The following SPSB4 variants were observed in gnomAD, a reference collection of about 807,000 sequenced individuals.
SPSB4 encodes the protein SPRY domain-containing SOCS box protein 4.
A neutral mutation model predicts 20.9 loss-of-function variants in SPSB4; 21 were observed. The observed-to-expected ratio is 1.01, with a 90% CI of 0.71 to 1.45. The LOEUF is 1.45. Ranked by LOEUF, SPSB4 falls within the 40% of genes most tolerant of loss-of-function variation. The probability of loss-of-function intolerance (pLI) is 0.00; values close to 1 mark genes in which losing one functional copy is unlikely to be tolerated. For synonymous variants in SPSB4, 207 were observed against 183.8 expected (o/e 1.13, Z -1.02); for missense variants, 399 against 399.2 (o/e 1.00, Z 0.00).
chr3:141,101,838 A>G (rs1378682672), intron 2 of SPSB4, among the ~76,000 whole-genome samples: 1 of 152,210 alleles, frequency 6.6e-6, no homozygotes, highest in Non-Finnish European at 1.5e-5. Context: ...GTTCTGCACT[A>G]TTCGTTTCCA....
At chr3:141,084,685 C>A (rs1471171841) in intron 2 of SPSB4, among the ~76,000 whole-genome samples, 3 of 152,184 alleles carry the variant, frequency 2.0e-5, no homozygotes, top group Non-Finnish European at 2.9e-5. Flanking sequence ...CAGGCATTAA[C>A]CTGGACCAAT....
intron 2 of SPSB4, among the ~76,000 whole-genome samples, chr3:141,070,715 ACT>A (rs1937986650): frequency 6.6e-6 from 1 of 152,110 alleles, no homozygotes; most frequent in Non-Finnish European, 1.5e-5. Context: ...TTTTGTAATG[ACT>A]CTTTGCACTA....
intron 2 of SPSB4, among the ~76,000 whole-genome samples, chr3:141,117,619 T>C (rs1301712351): frequency 2.0e-5 from 3 of 152,338 alleles, no homozygotes; most frequent in Non-Finnish European, 4.4e-5. Context: ...TCATCTACAT[T>C]AGGTATTTCT....
intron 2 of SPSB4, among the ~76,000 whole-genome samples, chr3:141,084,689 G>C (rs1405616540): frequency 1.3e-5 from 2 of 152,108 alleles, no homozygotes; most frequent in African/African-American, 2.4e-5. Context: ...CATTAACCTG[G>C]ACCAATAGAC....
chr3:141,054,001 C>A (rs1936139623), intron 1 of SPSB4, among the ~76,000 whole-genome samples: 1 of 152,214 alleles, frequency 6.6e-6, no homozygotes, highest in African/African-American at 2.4e-5. Context: ...TGTTCCCCTG[C>A]CTAGAATACT....
At chr3:141,106,039 C>T (rs1449366031) in intron 2 of SPSB4, among the ~76,000 whole-genome samples, 1 of 152,182 alleles carries the variant, frequency 6.6e-6, no homozygotes, top group African/African-American at 2.4e-5. Flanking sequence ...TTGGAAGGGA[C>T]TACAATTTGG....
At chr3:141,080,006 T>G (rs1450633868) in intron 2 of SPSB4, among the ~76,000 whole-genome samples, 1 of 152,160 alleles carries the variant, frequency 6.6e-6, no homozygotes, top group African/African-American at 2.4e-5. Context: ...CTTCAGTCAT[T>G]CCACTATTTT....
At chr3:141,059,075 CAGAG>C (rs1260887753) in intron 1 of SPSB4, among the ~76,000 whole-genome samples, 1 of 152,164 alleles carries the variant, frequency 6.6e-6, no homozygotes, top group Non-Finnish European at 1.5e-5. Flanking sequence ...TTCCTGCCAT[CAGAG>C]GAATGCCCTC....
At chr3:141,105,164 G>A (rs1938668810) in intron 2 of SPSB4, among the ~76,000 whole-genome samples, 1 of 152,220 alleles carries the variant, frequency 6.6e-6, no homozygotes, top group South Asian at 2.1e-4. Flanking sequence ...AGAAAAGGGT[G>A]GATGGGAATT....
intron 2 of SPSB4, among the ~76,000 whole-genome samples, chr3:141,104,937 C>T (rs1938665762): frequency 6.6e-6 from 1 of 152,162 alleles, no homozygotes; most frequent in South Asian, 2.1e-4. Context: ...GGTAGGAGTA[C>T]ACCCAAGATC....
intron 2 of SPSB4, among the ~76,000 whole-genome samples, chr3:141,103,867 G>A (rs60469889): frequency 0.07 from 10,471 of 150,316 alleles, 1,191 homozygotes; most frequent in African/African-American, 0.24. Flanking sequence ...GAATCCTCCA[G>A]AATGGATTCA....
intron 2 of SPSB4, among the ~76,000 whole-genome samples, chr3:141,071,304 C>T (rs1937997961): frequency 1.3e-5 from 2 of 152,124 alleles, no homozygotes; most frequent in Non-Finnish European, 2.9e-5. Flanking sequence ...ACGGCTTTGT[C>T]TCACATCTCG....
chr3:141,122,916 G>A (rs528187682), intron 2 of SPSB4, among the ~76,000 whole-genome samples: 7 of 152,296 alleles, frequency 4.6e-5, no homozygotes, highest in Admixed American at 6.5e-5. Flanking sequence ...GCGACGCCCC[G>A]TCCTGCTTCC....
chr3:141,143,911 A>C (rs1339838805), intron 2 of SPSB4, among the ~76,000 whole-genome samples: 1 of 152,270 alleles, frequency 6.6e-6, no homozygotes, highest in Admixed American at 6.5e-5. Flanking sequence ...CCTCATTTTT[A>C]CATTAATATA....
chr3:141,089,934 G>C (rs1938418598), intron 2 of SPSB4, among the ~76,000 whole-genome samples: 2 of 152,102 alleles, frequency 1.3e-5, no homozygotes. Context: ...ATAAAATCTT[G>C]CAGTGGGGTG....
Position 141,134,978 on chromosome 3 carries a change from C to G in SPSB4, c.695-12164C>G, listed in dbSNP as rs1275410323. Among the ~76,000 whole-genome samples the G allele has an allele frequency of 2.7e-5, 4 of 150,940 alleles. No homozygotes were observed. In the East Asian group the frequency reaches 7.8e-4, roughly 30 times the overall value. On this transcript the variant is annotated intron_variant, in intron 2 of 2. Transcript: ENST00000310546. ...ATATAAGCATACTGTTCAGTGAATTCTTAAGTATATACACATGTAATCACC... is the reference window on the plus strand; with the variant it reads ...ATATAAGCATACTGTTCAGTGAATTGTTAAGTATATACACATGTAATCACC...
chr3:141,052,349 T>C (rs928901718), intron 1 of SPSB4, among the ~76,000 whole-genome samples: 3 of 152,176 alleles, frequency 2.0e-5, no homozygotes, highest in Admixed American at 6.5e-5. Context: ...ATCCGTAGGA[T>C]GGGAATGATA....
At chr3:141,086,911 G>A (rs1476617435) in intron 2 of SPSB4, among the ~76,000 whole-genome samples, 1 of 152,218 alleles carries the variant, frequency 6.6e-6, no homozygotes. Context: ...GGTAAGAAAG[G>A]AAGCTGAGAG....
chr3:141,112,177 C>A (rs1161936545), intron 2 of SPSB4, among the ~76,000 whole-genome samples: 1 of 152,200 alleles, frequency 6.6e-6, no homozygotes, highest in Non-Finnish European at 1.5e-5. Context: ...CCCCTGTGAT[C>A]CACTTTCCTC....
Sources: gnomAD v4.1 joint callset for allele counts (sites outside exome capture counted in the v4.1 genomes callset) on GRCh38, gnomAD v4.1.1 for gene constraint, MANE v1.5 for transcripts, NCBI Gene and HGNC (gene_info 2026-07-23, HGNC 2026-07-21) for gene names.